MARK3: variants seen among roughly 807,000 people sequenced by gnomAD.
MARK3 encodes microtubule affinity regulating kinase 3.
Under a neutral mutation model 90.1 loss-of-function variants are expected in MARK3, and 46 were observed. That is an observed-to-expected ratio of 0.51 (90% CI 0.40 to 0.65). The LOEUF (loss-of-function observed/expected upper bound fraction) is 0.65. Among genes scored for constraint, MARK3 ranks in the 30% least tolerant of loss-of-function variants. MARK3 has a pLI of 0.00. For missense variants in MARK3, 818 were observed against 947.2 expected (o/e 0.86, Z 1.79); for synonymous variants, 321 against 332.6 (o/e 0.97, Z 0.38).
chr14:103,447,594 G>A (rs1040157411), intron 3 of MARK3, among the ~76,000 whole-genome samples: 5 of 152,126 alleles, frequency 3.3e-5, no homozygotes. Context: ...GTTTCCTCTT[G>A]TTTGCAAGAG....
intron 1 of MARK3, among the ~76,000 whole-genome samples, chr14:103,404,263 G>T (rs1374039574): frequency 6.6e-6 from 1 of 152,198 alleles, no homozygotes; most frequent in Non-Finnish European, 1.5e-5. Flanking sequence ...AAAGAGAAAC[G>T]TGTAAAGGGG....
chr14:103,460,073 C>CTTTTTTTTT (rs571611660), intron 6 of MARK3, among the ~76,000 whole-genome samples: 656 of 41,722 alleles, frequency 0.016, 171 homozygotes, highest in East Asian at 0.024. Flanking sequence ...CCAGCTCCAT[C>CTTTTTTTTT]TTTTTTTTTT....
chr14:103,396,589 C>T (rs1341998226), intron 1 of MARK3, among the ~76,000 whole-genome samples: 1 of 152,126 alleles, frequency 6.6e-6, no homozygotes, highest in Non-Finnish European at 1.5e-5. Flanking sequence ...AAATAACAAA[C>T]TAAGATTGAT....
intron 2 of MARK3, among the ~76,000 whole-genome samples, chr14:103,406,286 A>G (rs1268731488): frequency 6.6e-6 from 1 of 151,710 alleles, no homozygotes; most frequent in African/African-American, 2.4e-5. Flanking sequence ...GTGAAGTGGC[A>G]TGGTCTCGGC....
chr14:103,477,993 T>A (rs1238353442), intron 13 of MARK3, among the ~76,000 whole-genome samples: 2 of 56,280 alleles, frequency 3.6e-5, no homozygotes, highest in Non-Finnish European at 6.8e-5. Flanking sequence ...AGCAAGACCC[T>A]GTCCTTAAAA....
In MARK3 at chr14:103,451,940, A is replaced by T; in HGVS notation, c.369A>T (p.Glu123Asp). 1.2e-6 allele frequency: 2 copies of T among 1,612,438 alleles called. No individual in the cohort carries two copies. Among genetic ancestry groups the T allele is most frequent in the Non-Finnish European group, 1.7e-6 (2 of 1,179,114 alleles). ...PNIVKLFEVIETEKTLYLIME... is the reference protein window; with the variant it reads ...PNIVKLFEVIDTEKTLYLIME... ...CAGTGAAGTTATTCGAAGTCATTGA[A>T]ACTGAAAAAACACTCTACCTAATCA... is the stretch of plus-strand genomic sequence containing the variant. Residue 123 changes from glutamate to aspartate, a missense_variant, in exon 5 of 18, where the codon GAA becomes GAT. By Grantham distance (45) the Glu-to-Asp change is conservative. Transcript: ENST00000429436.
chr14:103,502,303 A>G (rs540653686), intron 17 of MARK3, among the ~76,000 whole-genome samples: 3 of 152,368 alleles, frequency 2.0e-5, no homozygotes, highest in Admixed American at 2.0e-4. Flanking sequence ...CTTTAACTGT[A>G]TAATTGGACG....
chr14:103,474,181 G>A (rs1261566099), intron 12 of MARK3, among the ~76,000 whole-genome samples: 1 of 152,170 alleles, frequency 6.6e-6, no homozygotes, highest in East Asian at 1.9e-4. Flanking sequence ...CTCCAGCCTG[G>A]GCGAGAGAGC....
At chr14:103,414,433 G>T in intron 2 of MARK3, among the ~76,000 whole-genome samples, 1 of 152,200 alleles carries the variant, frequency 6.6e-6, no homozygotes, top group South Asian at 2.1e-4. Context: ...TTGAACTCCC[G>T]ACCTCAGATG....
chr14:103,462,360 C>A, intron 6 of MARK3, 45 bp from the exon 7 acceptor site: 1 of 1,391,672 alleles, frequency 7.2e-7, no homozygotes, highest in Non-Finnish European at 1.0e-6. Context: ...ATCTTAATTA[C>A]GAATCTGCAC....
rs561291611 is a variant in MARK3, at chr14:103,475,774, ATC to A, written c.1482+568_1482+569del. Among the ~76,000 whole-genome samples, 18 of 152,208 alleles carry A rather than the reference ATC, an allele frequency of 1.2e-4. No homozygotes were observed. The South Asian group carries it at 3.7e-3, about 32-fold the overall frequency. On this transcript the variant is annotated intron_variant, in intron 13 of 17. Coordinates refer to ENST00000429436, the MANE Select transcript of MARK3 (RefSeq NM_001128918.3). ...AGCCTGGCCAAGATGGTGAAACGCC[ATC>A]TCTACTAAAAATACAAAAATTAGCT... is the stretch of plus-strand genomic sequence containing the variant.
intron 1 of MARK3, among the ~76,000 whole-genome samples, chr14:103,391,525 CTGA>C (rs2090239084): frequency 6.7e-6 from 1 of 150,150 alleles, no homozygotes; most frequent in African/African-American, 2.4e-5. Flanking sequence ...TTATAGTTGG[CTGA>C]TATGTCAAAT....
At chr14:103,432,426 C>T (rs1421156731) in intron 3 of MARK3, among the ~76,000 whole-genome samples, 1 of 152,204 alleles carries the variant, frequency 6.6e-6, no homozygotes, top group East Asian at 1.9e-4. Flanking sequence ...CCACCTCAAT[C>T]TTCCTCCCTC....
At chr14:103,388,158 C>T (rs569278916) in intron 1 of MARK3, among the ~76,000 whole-genome samples, 3 of 152,208 alleles carry the variant, frequency 2.0e-5, no homozygotes, top group South Asian at 4.1e-4. Flanking sequence ...CTCAAACTCC[C>T]GACTTCAGGT....
chr14:103,409,302 A>G (rs969651903), intron 2 of MARK3, among the ~76,000 whole-genome samples: 3 of 151,886 alleles, frequency 2.0e-5, no homozygotes, highest in Admixed American at 6.6e-5. Context: ...TGTCGGGGTG[A>G]GGGGCAAGGG....
chr14:103,468,903 A>G (rs2093571578), intron 12 of MARK3, among the ~76,000 whole-genome samples: 1 of 151,258 alleles, frequency 6.6e-6, no homozygotes, highest in Non-Finnish European at 1.5e-5. Flanking sequence ...TGCTAGGATT[A>G]CAGACGTGAG....
chr14:103,490,971 T>C (rs1282446672), intron 14 of MARK3: 12 of 1,278,086 alleles, frequency 9.4e-6, no homozygotes, highest in Non-Finnish European at 1.2e-5. Flanking sequence ...AATGTTCGCT[T>C]ACGCAGCTAG....
At chr14:103,460,149 G>T (rs910259251) in intron 6 of MARK3, among the ~76,000 whole-genome samples, 2 of 127,858 alleles carry the variant, frequency 1.6e-5, no homozygotes, top group Admixed American at 9.2e-5. Context: ...GCAGTGGCGC[G>T]ATCTCGGCTC....
intron 2 of MARK3, among the ~76,000 whole-genome samples, chr14:103,422,245 CAG>C (rs886922281): frequency 8.5e-5 from 13 of 152,204 alleles, no homozygotes; most frequent in African/African-American, 2.7e-4. Flanking sequence ...CACCTGAAGT[CAG>C]GGGTTCAAGA....
Sources: gnomAD v4.1 joint callset for allele counts (sites outside exome capture counted in the v4.1 genomes callset) on GRCh38, gnomAD v4.1.1 for gene constraint, MANE v1.5 for transcripts, NCBI Gene and HGNC (gene_info 2026-07-23, HGNC 2026-07-21) for gene names.